Variants in ZNF277 observed in about 807,000 individuals in gnomAD.
The protein encoded by ZNF277 is zinc finger protein 277.
ZNF277 carries 55 observed loss-of-function variants against 60.7 expected under a neutral mutation model. The observed-to-expected ratio is 0.91, with a 90% confidence interval of 0.73 to 1.13. The LOEUF (loss-of-function observed/expected upper bound fraction) is 1.13, where lower values mean the gene tolerates loss of function less well. Among genes scored for constraint, ZNF277 ranks in the 50% most tolerant of loss-of-function variants. The pLI is 0.00. For synonymous variants in ZNF277, 178 were observed against 179.3 expected, an observed-to-expected ratio of 0.99 and a Z score of 0.06; for missense variants, 510 against 523.0, an observed-to-expected ratio of 0.98 and a Z score of 0.24.
intron 4 of ZNF277, among the ~76,000 whole-genome samples, chr7:112,310,674 C>T (rs1792710604): frequency 6.6e-6 from 1 of 151,924 alleles, no homozygotes; most frequent in Admixed American, 6.6e-5. Context: ...AAATAAAAAG[C>T]AGGAGAAATA....
chr7:112,269,974 A>T (rs935534515), intron 1 of ZNF277, among the ~76,000 whole-genome samples: 5 of 152,086 alleles, frequency 3.3e-5, no homozygotes, highest in Admixed American at 2.0e-4. Context: ...AATAATAGAG[A>T]TCATATGGGG....
chr7:112,253,646 C>T (rs1791243812), intron 1 of ZNF277, among the ~76,000 whole-genome samples: 1 of 152,114 alleles, frequency 6.6e-6, no homozygotes, highest in African/African-American at 2.4e-5. Context: ...AGCCTCAGGG[C>T]CATCATGCCT....
chr7:112,226,419 T>C (rs1457675084), intron 1 of ZNF277, among the ~76,000 whole-genome samples: 1 of 152,204 alleles, frequency 6.6e-6, no homozygotes. Flanking sequence ...CTGAAATTAA[T>C]ATTTATATAA....
intron 1 of ZNF277, among the ~76,000 whole-genome samples, chr7:112,283,285 T>C (rs1791988369): frequency 6.6e-6 from 1 of 152,208 alleles, no homozygotes; most frequent in Non-Finnish European, 1.5e-5. Flanking sequence ...CCCAGCACTT[T>C]GGGAGGCCAA....
rs182784547 is a variant in ZNF277 at position 112,275,700 on chromosome 7, C to T, written c.92-11173C>T. 2.0e-3 allele frequency among the ~76,000 whole-genome samples: 303 copies of T among 152,246 alleles called. 1 individual carries two copies. The highest frequency in any genetic ancestry group is 6.9e-3 in the African/African-American group (288 of 41,538). ...CATGAATTTATAATATTTCAAAAAG[C>T]TGCTTCCACATCGTTGTTACTGTTG... On this transcript the variant is annotated intron_variant, in intron 1 of 11. Transcript: ENST00000361822.
chr7:112,250,322 G>T (rs908450258), intron 1 of ZNF277, among the ~76,000 whole-genome samples: 1 of 152,194 alleles, frequency 6.6e-6, no homozygotes, highest in Non-Finnish European at 1.5e-5. Context: ...TGTTATCAAT[G>T]ACAGTGGTGC....
In ZNF277 at chr7:112,280,040, G is replaced by A. The variant is rs1299412342; in HGVS notation, c.92-6833G>A. Among the ~76,000 whole-genome samples the A allele has an allele frequency of 3.3e-5, 5 of 152,208 alleles. No homozygotes were observed. The Middle Eastern group carries it at 0.01, about 311-fold the overall frequency. ...TCCTGGATGTGCATAGTTCAAATTC[G>A]TGTTCTTTGAGGGTCAACTGCATGC... On this transcript the variant is annotated intron_variant, in intron 1 of 11. Transcript: ENST00000361822.
At chr7:112,259,223 TA>T (rs1339725144) in intron 1 of ZNF277, among the ~76,000 whole-genome samples, 3 of 152,162 alleles carry the variant, frequency 2.0e-5, no homozygotes, top group African/African-American at 7.2e-5. Flanking sequence ...TAAAATACAA[TA>T]AATTTTTATA....
chr7:112,208,931 G>A (rs1821661127), intron 1 of ZNF277, among the ~76,000 whole-genome samples: 1 of 151,854 alleles, frequency 6.6e-6, no homozygotes, highest in Admixed American at 6.6e-5. Context: ...CGCCCGTCTC[G>A]GCCTCCCAAA....
At chr7:112,333,824 CAA>C (rs757506468) in intron 7 of ZNF277, among the ~76,000 whole-genome samples, 2 of 152,146 alleles carry the variant, frequency 1.3e-5, no homozygotes, top group Non-Finnish European at 2.9e-5. Flanking sequence ...TTCTCACAAA[CAA>C]AAGAGTTCAA....
intron 1 of ZNF277, among the ~76,000 whole-genome samples, chr7:112,251,773 A>G (rs1256025882): frequency 6.6e-6 from 1 of 152,246 alleles, no homozygotes; most frequent in African/African-American, 2.4e-5. Context: ...TGCAGTGCCA[A>G]GCAAAGGGGA....
rs1792325116 is a variant in ZNF277, at chr7:112,296,266, A to G, written c.420A>G (p.Leu140=). The change falls in exon 4 of 12, where the codon TTA becomes TTG. Residue 140 remains leucine (L), a synonymous_variant. Coordinates refer to ENST00000361822, the MANE Select transcript of ZNF277 (RefSeq NM_021994.3). Reference sequence around the variant, plus strand: ...ATTATTTTTTGTTATGTGACGTTTTACCAGAAGATAGAATTCTTAGAGAAG... The same window carrying G: ...ATTATTTTTTGTTATGTGACGTTTTGCCAGAAGATAGAATTCTTAGAGAAG... The part of the protein sequence containing the change: ...QENYFLLCDV[L]PEDRILREEL... 6.3e-7 allele frequency: 1 copy of G among 1,593,632 alleles called. No individual in the cohort carries two copies. Among genetic ancestry groups the G allele is most frequent in the Admixed American group, 1.8e-5 (1 of 55,136 alleles).
intron 1 of ZNF277, among the ~76,000 whole-genome samples, chr7:112,258,458 T>TA (rs1278013279): frequency 4.0e-5 from 6 of 151,732 alleles, no homozygotes; most frequent in Non-Finnish European, 7.4e-5. Flanking sequence ...TGGACGTACT[T>TA]ACGCCAAAAA....
chr7:112,228,615 A>G (rs1229480002), intron 1 of ZNF277, among the ~76,000 whole-genome samples: 2 of 151,984 alleles, frequency 1.3e-5, no homozygotes, highest in Non-Finnish European at 2.9e-5. Context: ...AGCATATTAA[A>G]TATGCATGGT....
intron 1 of ZNF277, among the ~76,000 whole-genome samples, chr7:112,215,682 G>C (rs548598266): frequency 6.6e-6 from 1 of 152,146 alleles, no homozygotes; most frequent in Non-Finnish European, 1.5e-5. Context: ...GGAAATTCTT[G>C]TTTTGCCTCC....
At chr7:112,231,378 C>G (rs1483442634) in intron 1 of ZNF277, among the ~76,000 whole-genome samples, 1 of 152,146 alleles carries the variant, frequency 6.6e-6, no homozygotes, top group Non-Finnish European at 1.5e-5. Flanking sequence ...TTATTGAAAA[C>G]TTACATTCAT....
At chr7:112,238,655 G>T (rs1336470082) in intron 1 of ZNF277, among the ~76,000 whole-genome samples, 2 of 151,898 alleles carry the variant, frequency 1.3e-5, no homozygotes, top group Non-Finnish European at 2.9e-5. Context: ...TCCATCCTTG[G>T]TCTGAGGAGA....
intron 4 of ZNF277, among the ~76,000 whole-genome samples, chr7:112,312,226 T>A (rs778729081): frequency 2.2e-4 from 34 of 152,078 alleles, no homozygotes; most frequent in Non-Finnish European, 3.8e-4. Context: ...GAAAAAAAAA[T>A]TTTTTCTATG....
intron 1 of ZNF277, among the ~76,000 whole-genome samples, chr7:112,273,792 A>AT (rs923943950): frequency 2.6e-5 from 4 of 151,782 alleles, no homozygotes; most frequent in African/African-American, 4.8e-5. Flanking sequence ...AGGTAGCTCT[A>AT]TTTTTTTTCT....
Sources: gnomAD v4.1 joint callset for allele counts (sites outside exome capture counted in the v4.1 genomes callset) on GRCh38, gnomAD v4.1.1 for gene constraint, MANE v1.5 for transcripts, NCBI Gene and HGNC (gene_info 2026-07-23, HGNC 2026-07-21) for gene names.